The following MIER2 variants were observed in gnomAD, a reference collection of about 807,000 sequenced individuals.
The protein encoded by MIER2 is MIER family member 2.
A neutral mutation model predicts 67.6 loss-of-function variants in MIER2; 30 were observed. The observed-to-expected ratio is 0.44, with a 90% CI of 0.33 to 0.60. The LOEUF is 0.60. Among genes scored for constraint, MIER2 ranks in the 20% least tolerant of loss-of-function variants. The pLI, the probability that MIER2 is intolerant of heterozygous loss-of-function variation, is 0.02. For synonymous variants in MIER2, 372 were observed against 312.6 expected (o/e 1.19, Z -2.00); for missense variants, 702 against 745.1 (o/e 0.94, Z 0.67).
In MIER2 at chr19:308,692, C is replaced by A. The variant is rs376859946; in HGVS notation, c.1110-27G>T. On this transcript the variant is annotated intron_variant, in intron 11 of 13. Transcript: ENST00000264819. This position sits in a 1 kb window ranked among gnomAD's most constrained non-coding sequence, Gnocchi z 9.1. Reference sequence around the variant, plus strand: ...TGTGGGGAGAGGGCGCCATGAGGGGCGGCAGACAGGACAGACGCCCCCACC... The same window carrying A: ...TGTGGGGAGAGGGCGCCATGAGGGGAGGCAGACAGGACAGACGCCCCCACC... 2 of 1,599,038 alleles carry A rather than the reference C, an allele frequency of 1.3e-6. No homozygotes were observed. Among genetic ancestry groups the A allele is most frequent in the African/African-American group, 1.3e-5 (1 of 74,800 alleles).
rs10421358 is a variant in MIER2, at chr19:306,304, C to A, written c.*386G>T. On this transcript the variant is annotated 3_prime_UTR_variant, in exon 14 of 14. Transcript: ENST00000264819. Reference sequence around the variant, plus strand: ...TGCTGGTGCGGGGCAGGGCGTCCTGCCCGTCTCCCCGCCGGGGCAGTGACG... The same window carrying A: ...TGCTGGTGCGGGGCAGGGCGTCCTGACCGTCTCCCCGCCGGGGCAGTGACG... 3.7e-6 allele frequency: 1 copy of A among 272,466 alleles called. No individual in the cohort carries two copies. Among genetic ancestry groups the A allele is most frequent in the East Asian group, 8.1e-5 (1 of 12,344 alleles). The allele number at this position is 272,466 out of a possible 1,614,324, so 16.9% of individuals were successfully genotyped here. A position where few individuals can be genotyped will look rare whatever the true frequency, so the allele number is the denominator to read the frequency against.
chr19:339,849 G>A (rs1198603427), intron 1 of MIER2, among the ~76,000 whole-genome samples: 4 of 152,162 alleles, frequency 2.6e-5, no homozygotes, highest in Non-Finnish European at 5.9e-5. Context: ...ACTAAGGGGT[G>A]TGGGGTTCCT....
rs767908497 is a variant in MIER2, at chr19:307,423, G to C, written c.1312C>G (p.Pro438Ala). Residue 438 changes from proline to alanine, a missense_variant, in exon 13 of 14, where the codon CCC becomes GCC. Around this residue, in one of 3 missense-constraint regions of MIER2, gnomAD observed 254 missense variants for 262.8 expected, o/e 0.97. Transcript: ENST00000264819. Reference protein sequence around the residue: ...PCSFQQLDESPAVPLSHRPPA... With the variant: ...PCSFQQLDESAAVPLSHRPPA... Reference sequence around the variant, plus strand: ...GGCCGATGGGACAGGGGTACAGCGGGGGACTCATCCAGCTGCTGGAAGGAA... The same window carrying C: ...GGCCGATGGGACAGGGGTACAGCGGCGGACTCATCCAGCTGCTGGAAGGAA... 2 of 1,599,604 alleles carry C rather than the reference G, an allele frequency of 1.3e-6. No individual in the cohort carries two copies. The highest frequency in any genetic ancestry group is 8.5e-7 in the Non-Finnish European group (1 of 1,173,608).
chr19:312,124 CGGGG>C (rs1971043875), intron 9 of MIER2, 63 bp downstream of exon 9: 2 of 1,118,272 alleles, frequency 1.8e-6, no homozygotes, highest in African/African-American at 2.2e-5. Context: ...AGGCCCAGGC[CGGGG>C]AGAACGGTCA....
rs1972144658 is a variant in MIER2 at position 334,323 on chromosome 19, T to C, written c.243+77A>G. ...ATTTAGCACTTACCAATGTGGAATC[T>C]GAGCTGCACAAAACTCATGAGGCTT... On this transcript the variant is annotated intron_variant, in intron 3 of 13. Transcript: ENST00000264819. The C allele has an allele frequency of 2.5e-6, 4 of 1,582,274 alleles. No homozygotes were observed. The African/African-American group carries it at 5.4e-5, about 21-fold the overall frequency.
intron 7 of MIER2, among the ~76,000 whole-genome samples, chr19:317,774 T>C (rs1476276880): frequency 6.8e-6 from 1 of 146,160 alleles, no homozygotes; most frequent in East Asian, 2.0e-4. Flanking sequence ...AAAGAACAGA[T>C]GGAACACACA....
At chr19:344,396 G>A (rs1972644680) in intron 1 of MIER2, 1 of 984,112 alleles carries the variant, frequency 1.0e-6, no homozygotes, top group South Asian at 4.7e-5. Flanking sequence ...CCTGCGCGCC[G>A]CGGGGCCCGG....
At chr19:315,258 G>A (rs887522645) in intron 7 of MIER2, among the ~76,000 whole-genome samples, 13 of 152,106 alleles carry the variant, frequency 8.5e-5, no homozygotes, top group Non-Finnish European at 1.6e-4. Flanking sequence ...TCCGCTACTC[G>A]GGAGGCTGAG....
In MIER2 at chr19:307,434, A is replaced by C; in HGVS notation, c.1301T>G (p.Leu434Arg). 1 of 1,593,966 alleles carries C rather than the reference A, an allele frequency of 6.3e-7. No homozygotes were observed. The highest frequency in any genetic ancestry group is 8.5e-7 in the Non-Finnish European group (1 of 1,170,580). Residue 434 changes from leucine to arginine, a missense_variant, in exon 13 of 14, where the codon CTG (leucine) becomes CGG (arginine). Physicochemically the swap from Leu to Arg is moderately radical, Grantham distance 102. Coordinates refer to ENST00000264819, the MANE Select transcript of MIER2 (RefSeq NM_017550.3). ...CAGGGGTACAGCGGGGGACTCATCCAGCTGCTGGAAGGAACACGGCCCTGG... is the reference window on the plus strand; with the variant it reads ...CAGGGGTACAGCGGGGGACTCATCCCGCTGCTGGAAGGAACACGGCCCTGG... ...SEPGPCSFQQLDESPAVPLSH... is the reference protein window; with the variant it reads ...SEPGPCSFQQRDESPAVPLSH...
At chr19:344,143 C>T in intron 1 of MIER2, 1 of 985,446 alleles carries the variant, frequency 1.0e-6, no homozygotes. Flanking sequence ...AGAGGCTGGT[C>T]CAACTCTTCT....
In MIER2 at chr19:307,016, G is replaced by A. The variant is rs1015766385; in HGVS notation, c.1616+103C>T. 44 of 1,349,758 alleles carry A rather than the reference G, an allele frequency of 3.3e-5. No individual in the cohort carries two copies. The East Asian group carries it at 5.5e-4, about 17-fold the overall frequency. 83.6% of individuals were successfully genotyped at this position (1,349,758 alleles called of 1,614,324 possible). The stretch of plus-strand genomic sequence containing the variant: ...CTGCTCGTGGAGCCACACTGTCCTC[G>A]GGTCCTTGGGGCAAATGCCTCCCAC... On this transcript the variant is annotated intron_variant, in intron 13 of 13. Coordinates refer to ENST00000264819, the MANE Select transcript of MIER2 (RefSeq NM_017550.3).
intron 7 of MIER2, among the ~76,000 whole-genome samples, chr19:324,129 C>A (rs993235932): frequency 8.6e-5 from 12 of 139,736 alleles, no homozygotes; most frequent in African/African-American, 3.2e-4. Flanking sequence ...AAAGACACAA[C>A]CACACAGACG....
At chr19:321,371 G>T (rs1358039325) in intron 7 of MIER2, among the ~76,000 whole-genome samples, 1 of 152,192 alleles carries the variant, frequency 6.6e-6, no homozygotes, top group Non-Finnish European at 1.5e-5. Context: ...TGGGCCGGGC[G>T]CAGGGGCTCA....
At chr19:337,408 G>C (rs1600174054) in intron 1 of MIER2, among the ~76,000 whole-genome samples, 1 of 152,104 alleles carries the variant, frequency 6.6e-6, no homozygotes. Context: ...CAGAACAGAA[G>C]GGAGCTTCCT....
chr19:335,583 CAT>C (rs1972207963), intron 2 of MIER2, among the ~76,000 whole-genome samples: 1 of 152,200 alleles, frequency 6.6e-6, no homozygotes, highest in Admixed American at 6.5e-5. Flanking sequence ...GAAGAACAGT[CAT>C]AGAGACCCTT....
rs993835608 is a variant in MIER2, at chr19:308,411, G to C, written c.1198+166C>G. On this transcript the variant is annotated intron_variant, in intron 12 of 13. Transcript: ENST00000264819. This position sits in a 1 kb window ranked among gnomAD's most constrained non-coding sequence, Gnocchi z 9.1. ...CTCCCCTCTCCCAGCCAGGTGTACA[G>C]AGCGGCATCCACATCACGTGGCTGC... Among the ~76,000 whole-genome samples, 4 of 152,156 alleles carry C rather than the reference G, an allele frequency of 2.6e-5. No individual in the cohort carries two copies. Among genetic ancestry groups the C allele is most frequent in the Non-Finnish European group, 5.9e-5 (4 of 68,000 alleles).
chr19:311,006 G>C, intron 10 of MIER2, among the ~76,000 whole-genome samples: 1 of 152,232 alleles, frequency 6.6e-6, no homozygotes, highest in East Asian at 1.9e-4. Flanking sequence ...TGCTGCGCAC[G>C]GCACCGCACA....
rs377758844 is a variant in MIER2, at chr19:306,571, G to A, written c.*119C>T. 2.8e-5 allele frequency: 38 copies of A among 1,340,400 alleles called. No individual in the cohort carries two copies. The Admixed American group carries it at 4.8e-4, about 17-fold the overall frequency. 83.0% of individuals were successfully genotyped at this position (1,340,400 alleles called of 1,614,324 possible). On this transcript the variant is annotated 3_prime_UTR_variant, in exon 14 of 14. Transcript: ENST00000264819. Reference sequence around the variant, plus strand: ...CCCAGTCCTGACGTGTTCTGAAGCAGAAGGAGGTGCTACCCCAAGGCCCGG... The same window carrying A: ...CCCAGTCCTGACGTGTTCTGAAGCAAAAGGAGGTGCTACCCCAAGGCCCGG...
chr19:332,468 A>ATTTTG lies in MIER2; in HGVS notation c.243+1931_243+1932insCAAAA, dbSNP rs1272116238. Among the ~76,000 whole-genome samples, 744 of 151,586 alleles carry ATTTTG rather than the reference A, an allele frequency of 4.9e-3. 9 individuals are homozygous for ATTTTG. Among genetic ancestry groups the ATTTTG allele is most frequent in the African/African-American group, 0.017 (715 of 41,170 alleles). On this transcript the variant is annotated intron_variant, in intron 3 of 13. Coordinates refer to ENST00000264819, the MANE Select transcript of MIER2 (RefSeq NM_017550.3). The stretch of plus-strand genomic sequence containing the variant: ...AGGCGCCTGCTACCACGCCCGGCTA[A>ATTTTG]TTTTTGTATTTTTAGTAGAGACGGG...
Sources: allele counts gnomAD v4.1 joint callset (sites outside exome capture counted in the v4.1 genomes callset), GRCh38; gene constraint gnomAD v4.1.1; regional missense constraint gnomAD v4.1.1; non-coding constraint Gnocchi (gnomAD v3.1); transcripts MANE v1.5; gene names NCBI Gene and HGNC (gene_info 2026-07-23, HGNC 2026-07-21).